SOX5: variants seen among roughly 807,000 people sequenced by gnomAD.
SOX5 encodes the protein transcription factor SOX-5.
SOX5 carries 9 observed loss-of-function variants against 92.0 expected under a neutral mutation model. The observed-to-expected ratio is 0.10, with a 90% CI of 0.06 to 0.17. The LOEUF is 0.17. SOX5 is among the 10% of genes least tolerant of loss of function. SOX5 has a pLI of 1.00. For missense variants in SOX5, 642 were observed against 944.5 expected, an observed-to-expected ratio of 0.68 and a Z score of 4.20; for synonymous variants, 344 against 336.3, an observed-to-expected ratio of 1.02 and a Z score of -0.25.
chr12:23,717,473 T>C (rs1443643933), intron 6 of SOX5, among the ~76,000 whole-genome samples: 1 of 152,164 alleles, frequency 6.6e-6, no homozygotes, highest in Non-Finnish European at 1.5e-5. Context: ...TCTTTCACTT[T>C]TGGGAAGCTA....
At chr12:23,651,477 A>C (rs1248777495) in intron 7 of SOX5, among the ~76,000 whole-genome samples, 1 of 152,112 alleles carries the variant, frequency 6.6e-6, no homozygotes, top group Admixed American at 6.6e-5. Context: ...CCATTCAATT[A>C]ACATGTATCA....
rs534828400 is a variant in SOX5 at position 24,043,140 on chromosome 12, C to G, written c.-1-147116G>C. 2.6e-5 allele frequency among the ~76,000 whole-genome samples: 4 copies of G among 152,238 alleles called. No individual in the cohort carries two copies. The East Asian group carries it at 7.7e-4, about 29-fold the overall frequency. On this transcript the variant is annotated intron_variant, in intron 4 of 4. Coordinates refer to the SOX5 transcript ENST00000446891. ...GAGATGAATTGTCTCCATAGACTTT[C>G]TGGTTCATAAATTTCCTGTAGAAAG...
intron 2 of SOX5, among the ~76,000 whole-genome samples, chr12:23,872,487 T>C (rs76203501): frequency 6.6e-6 from 1 of 152,130 alleles, no homozygotes. Context: ...GATCTGAAAA[T>C]GTAGTCCCTC....
At chr12:23,570,968 T>A (rs866255909) in intron 10 of SOX5, among the ~76,000 whole-genome samples, 1,622 of 101,304 alleles carry the variant, frequency 0.016, 257 homozygotes, top group Non-Finnish European at 0.027. Flanking sequence ...TATATATATA[T>A]ATATATATAT....
chr12:24,046,211 C>T lies in SOX5; in HGVS notation c.-1-150187G>A, dbSNP rs117771355. ...GACACATTTAAGAGAGGGGAGGAGA[C>T]TATAACCACAGTGGGGTGGGCAAGA... On this transcript the variant is annotated intron_variant, in intron 4 of 4. Coordinates refer to the SOX5 transcript ENST00000446891. 7.1e-3 allele frequency among the ~76,000 whole-genome samples: 1,083 copies of T among 152,244 alleles called. 10 individuals carry two copies. Among genetic ancestry groups the T allele is most frequent in the South Asian group, 0.021 (101 of 4,824 alleles).
intron 4 of SOX5, among the ~76,000 whole-genome samples, chr12:24,052,108 T>C (rs1485421384): frequency 8.5e-5 from 13 of 152,112 alleles, no homozygotes; most frequent in Admixed American, 6.5e-4. Context: ...CCATTTTCAG[T>C]CCCTTTACTG....
chr12:24,285,146 G>GA (rs983051936), intron 2 of SOX5, among the ~76,000 whole-genome samples: 48 of 150,536 alleles, frequency 3.2e-4, no homozygotes, highest in African/African-American at 1.1e-3. Context: ...CAAAAAGAAA[G>GA]AAAAAAAAAT....
At chr12:23,588,632 G>C (rs547528589) in intron 9 of SOX5, among the ~76,000 whole-genome samples, 1 of 151,898 alleles carries the variant, frequency 6.6e-6, no homozygotes, top group Admixed American at 6.6e-5. Flanking sequence ...ATTTGCCTTA[G>C]AGCTTATCTT....
intron 4 of SOX5, among the ~76,000 whole-genome samples, chr12:24,095,122 C>CAGAGAGAGAGAGAGAGAGAGAG (rs1375437943): frequency 5.3e-5 from 5 of 93,986 alleles, no homozygotes; most frequent in Non-Finnish European, 7.1e-5. Context: ...CACACACACA[C>CAGAGAGAGAGAGAGAGAGAGAG]ACACACAGAG....
chr12:24,507,852 G>C (rs189714946), intron 1 of SOX5, among the ~76,000 whole-genome samples: 99 of 152,094 alleles, frequency 6.5e-4, no homozygotes, highest in African/African-American at 2.3e-3. Context: ...TATAATAATT[G>C]TTTATACCTT....
chr12:23,641,348 T>C (rs1351618571), intron 7 of SOX5, among the ~76,000 whole-genome samples: 2 of 152,242 alleles, frequency 1.3e-5, no homozygotes, highest in Non-Finnish European at 1.5e-5. Flanking sequence ...AATGCTATGT[T>C]ACGGTCTTGA....
chr12:24,434,214 A>G (rs1027657840), intron 1 of SOX5, among the ~76,000 whole-genome samples: 2 of 152,162 alleles, frequency 1.3e-5, no homozygotes, highest in African/African-American at 4.8e-5. Context: ...CGTGATCACA[A>G]TGGGGAGGGG....
At chr12:24,457,964 A>T (rs1943196848) in intron 1 of SOX5, among the ~76,000 whole-genome samples, 1 of 152,224 alleles carries the variant, frequency 6.6e-6, no homozygotes, top group South Asian at 2.1e-4. Flanking sequence ...CTATAAGGAA[A>T]TCAGTTCCTT....
rs778494618 is a variant in SOX5, at chr12:23,665,461, C to G, written c.914G>C (p.Ser305Thr). The G allele has an allele frequency of 5.6e-6, 9 of 1,613,434 alleles. No homozygotes were observed. The African/African-American group carries it at 1.1e-4, about 19-fold the overall frequency. ...QQGFLLPPGF[S>T]YKAGCSDPYP... ...GTACTTACTACATCCAGCCTTATAG[C>G]TGAAGCCTGGAGGGAGGAGGAATCC... Residue 305 changes from serine (S) to threonine (T), a missense_variant, in exon 7 of 15, where the codon AGC (serine) becomes ACC (threonine). Around this residue, in one of 8 missense-constraint regions of SOX5, gnomAD observed 324 missense variants for 461.6 expected, o/e 0.70. Transcript: ENST00000451604.
At chr12:24,343,317 G>C (rs1447854998) in intron 2 of SOX5, among the ~76,000 whole-genome samples, 2 of 152,128 alleles carry the variant, frequency 1.3e-5, no homozygotes, top group African/African-American at 4.8e-5. Flanking sequence ...ACAAAGAGCA[G>C]TAGAGTAAAA....
intron 2 of SOX5, among the ~76,000 whole-genome samples, chr12:24,281,325 C>T (rs1945174954): frequency 6.6e-6 from 1 of 151,560 alleles, no homozygotes; most frequent in African/African-American, 2.4e-5. Flanking sequence ...ATAATAGACT[C>T]TACGGAAAGG....
At chr12:23,679,019 G>A (rs1462462422) in intron 6 of SOX5, among the ~76,000 whole-genome samples, 5 of 152,126 alleles carry the variant, frequency 3.3e-5, no homozygotes, top group Non-Finnish European at 7.4e-5. Flanking sequence ...TCTAAAGTAT[G>A]GATAATGATT....
intron 1 of SOX5, among the ~76,000 whole-genome samples, chr12:23,943,958 T>C (rs1008007559): frequency 2.0e-5 from 3 of 152,088 alleles, no homozygotes; most frequent in Admixed American, 2.0e-4. Context: ...TCAACAAACC[T>C]GGGTAATTCT....
At chr12:24,328,301 T>C (rs1950938030) in intron 2 of SOX5, among the ~76,000 whole-genome samples, 1 of 152,226 alleles carries the variant, frequency 6.6e-6, no homozygotes. Flanking sequence ...AGGGCTCTGG[T>C]TTGCAGGGAC....
Sources: gnomAD v4.1 joint callset for allele counts (sites outside exome capture counted in the v4.1 genomes callset) on GRCh38, gnomAD v4.1.1 for gene constraint, gnomAD v4.1.1 regional missense constraint, MANE v1.5 for transcripts, NCBI Gene and HGNC (gene_info 2026-07-23, HGNC 2026-07-21) for gene names.